The following CNBD1 variants were observed in gnomAD, a reference collection of about 807,000 sequenced individuals.
CNBD1 encodes the protein cyclic nucleotide binding domain containing 1.
Under a neutral mutation model 54.4 loss-of-function variants are expected in CNBD1, and 71 were observed. The ratio of observed to expected loss-of-function variants is 1.30; its 90% CI spans 1.08 to 1.59. The LOEUF (loss-of-function observed/expected upper bound fraction) is 1.59. CNBD1 is among the 40% of genes most tolerant of loss of function. The pLI is 0.00. For missense variants in CNBD1, 659 were observed against 518.0 expected (o/e 1.27, Z -2.64); for synonymous variants, 182 against 170.7 (o/e 1.07, Z -0.51).
At chr8:87,286,466 A>T in intron 7 of CNBD1, 73 bp from the exon 8 acceptor site, 1 of 880,844 alleles carries the variant, frequency 1.1e-6, no homozygotes, top group Non-Finnish European at 1.8e-6. Context: ...TTCTCTCACC[A>T]TTTATCTATT....
At chr8:87,224,180 C>A (rs1449499912) in intron 5 of CNBD1, among the ~76,000 whole-genome samples, 1 of 151,750 alleles carries the variant, frequency 6.6e-6, no homozygotes, top group Non-Finnish European at 1.5e-5. Context: ...AATTTTCTCC[C>A]ATTTTGTAGG....
At position 87,380,036 on chromosome 8, in the gene CNBD1, G is replaced by A. The variant is rs564556990; in HGVS notation, c.1304-2584G>A. Among the ~76,000 whole-genome samples the A allele has an allele frequency of 2.0e-5, 3 of 151,908 alleles. No individual in the cohort carries two copies. In the East Asian group the frequency reaches 5.8e-4, roughly 29 times the overall value. ...TGCCACTTGGGAGGTTTTAGATAAT[G>A]CAAGACAATAATATAAACTAGTAAG... On this transcript the variant is annotated intron_variant, in intron 10 of 10. Coordinates refer to ENST00000518476, the MANE Select transcript of CNBD1 (RefSeq NM_173538.3).
intron 4 of CNBD1, among the ~76,000 whole-genome samples, chr8:86,946,795 A>G (rs1426026869): frequency 2.0e-5 from 3 of 152,180 alleles, no homozygotes; most frequent in Non-Finnish European, 4.4e-5. Context: ...TGATTTCATT[A>G]AAAGATTTAA....
At chr8:86,916,487 G>A (rs1416866078) in intron 3 of CNBD1, among the ~76,000 whole-genome samples, 3 of 152,134 alleles carry the variant, frequency 2.0e-5, no homozygotes, top group East Asian at 1.9e-4. Flanking sequence ...AGTTGTATGC[G>A]TGCTCTCTTG....
At chr8:87,280,767 A>C (rs1332652608) in intron 6 of CNBD1, among the ~76,000 whole-genome samples, 1 of 151,624 alleles carries the variant, frequency 6.6e-6, no homozygotes, top group Non-Finnish European at 1.5e-5. Context: ...ATTCTTATTC[A>C]GAGGGAGATT....
downstream of CNBD1, among the ~76,000 whole-genome samples, chr8:87,385,149 A>T (rs1811156593): frequency 2.0e-5 from 3 of 152,138 alleles, no homozygotes; most frequent in Admixed American, 1.3e-4. Context: ...TGGAGCCAAG[A>T]TGCCCAAATA....
chr8:87,327,726 C>T (rs748244687), intron 8 of CNBD1, among the ~76,000 whole-genome samples: 87 of 152,222 alleles, frequency 5.7e-4, no homozygotes, highest in Non-Finnish European at 9.3e-4. Flanking sequence ...GAGATGAACC[C>T]GGTACCTCAG....
chr8:87,165,020 A>G (rs1376332326), intron 4 of CNBD1, among the ~76,000 whole-genome samples: 1 of 150,314 alleles, frequency 6.7e-6, no homozygotes, highest in Non-Finnish European at 1.5e-5. Flanking sequence ...TTCTCTTTTG[A>G]TATTTTCTTT....
chr8:86,966,244 C>T (rs373342195), intron 4 of CNBD1, among the ~76,000 whole-genome samples: 62 of 152,276 alleles, frequency 4.1e-4, no homozygotes, highest in African/African-American at 1.4e-3. Flanking sequence ...CTCCAGGGGC[C>T]AGGCCAGGAA....
rs1554632387 is a variant in CNBD1 at position 86,940,132 on chromosome 8, C to CTTTTTTTTCT, written c.431+386_431+387insCTTTTTTTTT. Reference sequence around the variant, plus strand: ...CTTTAAATAAACTTACCACATGTTACTTTTTTTTTTTTTTTTTTTGAGACT... The same window carrying CTTTTTTTTCT: ...CTTTAAATAAACTTACCACATGTTACTTTTTTTTCTTTTTTTTTTTTTTTTTTTTGAGACT... On this transcript the variant is annotated intron_variant, in intron 4 of 10. Transcript: ENST00000518476. Among the ~76,000 whole-genome samples the CTTTTTTTTCT allele has an allele frequency of 1.0e-3, 90 of 88,734 alleles. 4 individuals carry two copies. Among genetic ancestry groups the CTTTTTTTTCT allele is most frequent in the African/African-American group, 3.8e-3 (84 of 21,934 alleles). 58.2% of individuals were successfully genotyped at this position (88,734 alleles called of 152,430 possible).
intron 4 of CNBD1, among the ~76,000 whole-genome samples, chr8:86,991,882 G>C (rs969793148): frequency 3.9e-5 from 6 of 152,088 alleles, no homozygotes; most frequent in African/African-American, 1.2e-4. Flanking sequence ...AGTGTGCTTA[G>C]TATGAGTTCA....
chr8:86,925,901 G>GAGGAAGAA (rs1304862068), intron 3 of CNBD1, among the ~76,000 whole-genome samples: 1 of 152,092 alleles, frequency 6.6e-6, no homozygotes, highest in Non-Finnish European at 1.5e-5. Flanking sequence ...CCCAAAGAGG[G>GAGGAAGAA]AGTGGTAGCA....
chr8:86,920,980 T>C (rs1809263083), intron 3 of CNBD1, among the ~76,000 whole-genome samples: 1 of 152,002 alleles, frequency 6.6e-6, no homozygotes, highest in African/African-American at 2.4e-5. Context: ...GAGCAGAAAA[T>C]GTTCAAAAGT....
chr8:87,149,297 T>C (rs1276036884), intron 4 of CNBD1, among the ~76,000 whole-genome samples: 1 of 152,148 alleles, frequency 6.6e-6, no homozygotes, highest in Non-Finnish European at 1.5e-5. Context: ...CTCCCCTGGA[T>C]TGAGGATTAT....
At chr8:87,383,392 T>G (rs983275820), downstream of CNBD1, among the ~76,000 whole-genome samples, 7 of 152,116 alleles carry the variant, frequency 4.6e-5, no homozygotes, top group African/African-American at 1.7e-4. Context: ...ACCTACCATG[T>G]GTCTGACACA....
At chr8:87,381,241 C>T (rs1586066073) in intron 10 of CNBD1, among the ~76,000 whole-genome samples, 1 of 152,018 alleles carries the variant, frequency 6.6e-6, no homozygotes, top group Non-Finnish European at 1.5e-5. Context: ...ATATACATTT[C>T]TCTAAAAAAG....
chr8:86,975,002 TGG>T (rs1808309871), intron 4 of CNBD1, among the ~76,000 whole-genome samples: 1 of 152,026 alleles, frequency 6.6e-6, no homozygotes, highest in Non-Finnish European at 1.5e-5. Flanking sequence ...AAAAATCTAT[TGG>T]GAAACTCCTT....
At chr8:87,420,983 C>A (rs1361800300) in intron 2 of CNBD1, among the ~76,000 whole-genome samples, 2 of 151,872 alleles carry the variant, frequency 1.3e-5, no homozygotes, top group Non-Finnish European at 2.9e-5. Context: ...AGGCCAAACA[C>A]AGGTTGGGAA....
At position 87,055,883 on chromosome 8, in the gene CNBD1, TTTCCTTCCTTCCTTCCTTCCTTCC is replaced by T. The variant is rs71277912; in HGVS notation, c.431+116170_431+116193del. ...TCCCTCCTTCCCTCCCTGCTTGACC[TTTCCTTCCTTCCTTCCTTCCTTCC>T]TTCCTTCCTTCCTTCCTTCCTTCCT... On this transcript the variant is annotated intron_variant, in intron 4 of 10. Coordinates refer to ENST00000518476, the MANE Select transcript of CNBD1 (RefSeq NM_173538.3). Among the ~76,000 whole-genome samples, 147 of 92,958 alleles carry T rather than the reference TTTCCTTCCTTCCTTCCTTCCTTCC, an allele frequency of 1.6e-3. No homozygotes were observed. The South Asian group carries it at 0.021, about 13-fold the overall frequency. The allele number at this position is 92,958 out of a possible 152,430, so 61.0% of individuals were successfully genotyped here.
Sources: allele counts gnomAD v4.1 joint callset (sites outside exome capture counted in the v4.1 genomes callset), GRCh38; gene constraint gnomAD v4.1.1; transcripts MANE v1.5; gene names NCBI Gene and HGNC (gene_info 2026-07-23, HGNC 2026-07-21).